SPOCK1: variants seen among roughly 807,000 people sequenced by gnomAD.
The protein encoded by SPOCK1 is testican-1.
Under a neutral mutation model 55.3 loss-of-function variants are expected in SPOCK1, and 23 were observed. That is an observed-to-expected ratio of 0.42 (90% confidence interval 0.30 to 0.59). SPOCK1 has a LOEUF of 0.59. Ranked by LOEUF, SPOCK1 falls within the 20% of genes least tolerant of loss-of-function variation. SPOCK1 has a pLI of 0.22. For synonymous variants in SPOCK1, 226 were observed against 221.0 expected (o/e 1.02, Z -0.20); for missense variants, 499 against 552.5 (o/e 0.90, Z 0.97).
At chr5:136,990,727 A>G (rs1334320233) in intron 7 of SPOCK1, among the ~76,000 whole-genome samples, 1 of 152,150 alleles carries the variant, frequency 6.6e-6, no homozygotes, top group Non-Finnish European at 1.5e-5. Flanking sequence ...TTTTACATAC[A>G]TCAATTTTAT....
chr5:137,427,301 A>G (rs1285054688), intron 2 of SPOCK1, among the ~76,000 whole-genome samples: 2 of 152,194 alleles, frequency 1.3e-5, no homozygotes, highest in Non-Finnish European at 2.9e-5. Context: ...GCCTTTCTCC[A>G]CAACACTGGT....
At chr5:137,087,836 A>C (rs1378600362) in intron 5 of SPOCK1, among the ~76,000 whole-genome samples, 1 of 148,600 alleles carries the variant, frequency 6.7e-6, no homozygotes, top group Non-Finnish European at 1.5e-5. Context: ...AGGGAGGAAG[A>C]AACAGAAAAA....
chr5:137,084,552 C>A (rs530960156), intron 5 of SPOCK1, among the ~76,000 whole-genome samples: 24 of 151,960 alleles, frequency 1.6e-4, no homozygotes, highest in Non-Finnish European at 3.2e-4. Context: ...GTGGCAGGGG[C>A]ACTGGGAAAC....
At chr5:137,188,125 T>C (rs551368788) in intron 3 of SPOCK1, among the ~76,000 whole-genome samples, 18 of 152,214 alleles carry the variant, frequency 1.2e-4, no homozygotes, top group Non-Finnish European at 2.2e-4. Context: ...AGGTGAATCA[T>C]GGCAGAAGAA....
intron 2 of SPOCK1, among the ~76,000 whole-genome samples, chr5:137,269,631 C>G (rs986016280): frequency 1.3e-5 from 2 of 152,198 alleles, no homozygotes; most frequent in Non-Finnish European, 2.9e-5. Flanking sequence ...TGAGTATAAG[C>G]AGGCTGGGCT....
At chr5:137,308,138 T>C (rs1757730480) in intron 2 of SPOCK1, among the ~76,000 whole-genome samples, 1 of 152,234 alleles carries the variant, frequency 6.6e-6, no homozygotes, top group Non-Finnish European at 1.5e-5. Context: ...TGTCCTATAG[T>C]TCTTTGTATT....
chr5:137,436,021 T>C (rs958386789), intron 2 of SPOCK1, among the ~76,000 whole-genome samples: 2 of 151,630 alleles, frequency 1.3e-5, no homozygotes, highest in African/African-American at 2.4e-5. Context: ...CGAGTGTTGG[T>C]GGCACATGCC....
At chr5:137,078,935 G>C (rs368391372) in intron 5 of SPOCK1, among the ~76,000 whole-genome samples, 1 of 152,138 alleles carries the variant, frequency 6.6e-6, no homozygotes, top group South Asian at 2.1e-4. Flanking sequence ...CAGCAGAAAA[G>C]GTCCCCAGAG....
intron 6 of SPOCK1, among the ~76,000 whole-genome samples, chr5:137,053,957 G>T (rs1038594224): frequency 6.6e-6 from 1 of 152,142 alleles, no homozygotes; most frequent in African/African-American, 2.4e-5. Flanking sequence ...ACAACTAACA[G>T]TGTCTCTGCT....
chr5:137,344,371 GT>G (rs1013328321), intron 2 of SPOCK1, among the ~76,000 whole-genome samples: 1 of 152,214 alleles, frequency 6.6e-6, no homozygotes, highest in African/African-American at 2.4e-5. Flanking sequence ...TCACATTTGC[GT>G]GAATAACCTT....
At chr5:137,148,103 C>T (rs1293666947) in intron 3 of SPOCK1, among the ~76,000 whole-genome samples, 2 of 152,194 alleles carry the variant, frequency 1.3e-5, no homozygotes, top group African/African-American at 4.8e-5. Context: ...TCCTGATTGC[C>T]CTCTATCTCA....
At chr5:137,223,902 A>C (rs1755902514) in intron 3 of SPOCK1, among the ~76,000 whole-genome samples, 1 of 152,194 alleles carries the variant, frequency 6.6e-6, no homozygotes, top group African/African-American at 2.4e-5. Flanking sequence ...AAAAAGTTAA[A>C]TCTGAAAAAG....
chr5:137,495,744 T>C (rs890073411), intron 2 of SPOCK1, among the ~76,000 whole-genome samples: 1 of 152,242 alleles, frequency 6.6e-6, no homozygotes, highest in Non-Finnish European at 1.5e-5. Context: ...AGCAAATTCT[T>C]ACCCTCTGTT....
rs532076386 is a variant in SPOCK1 at position 137,211,746 on chromosome 5, T to C, written c.232+55264A>G. On this transcript the variant is annotated intron_variant, in intron 3 of 10. Transcript: ENST00000394945. ...TGAGTTGATCACCAATGGCCAATGATGTGATCAATCACGCCTATGTAATGG... is the reference window on the plus strand; with the variant it reads ...TGAGTTGATCACCAATGGCCAATGACGTGATCAATCACGCCTATGTAATGG... Among the ~76,000 whole-genome samples the C allele has an allele frequency of 6.6e-5, 10 of 152,226 alleles. No individual in the cohort carries two copies. In the South Asian group the frequency reaches 1.2e-3, roughly 19 times the overall value.
chr5:137,436,246 G>C (rs1051163946), intron 2 of SPOCK1, among the ~76,000 whole-genome samples: 5 of 152,106 alleles, frequency 3.3e-5, no homozygotes, highest in Admixed American at 6.5e-5. Context: ...CCTAATGTCA[G>C]AGTTAACCAC....
intron 2 of SPOCK1, among the ~76,000 whole-genome samples, chr5:137,369,915 C>A (rs550110013): frequency 6.6e-6 from 1 of 152,184 alleles, no homozygotes; most frequent in Non-Finnish European, 1.5e-5. Flanking sequence ...TACCATCACA[C>A]TGGGGGTCAG....
At chr5:137,002,628 T>A (rs1751173566) in intron 6 of SPOCK1, among the ~76,000 whole-genome samples, 1 of 152,190 alleles carries the variant, frequency 6.6e-6, no homozygotes, top group South Asian at 2.1e-4. Context: ...GCAGTTTTAC[T>A]GAAGGATTTC....
chr5:137,190,889 A>G (rs1481566014), intron 3 of SPOCK1, among the ~76,000 whole-genome samples: 2 of 152,202 alleles, frequency 1.3e-5, no homozygotes, highest in Non-Finnish European at 2.9e-5. Flanking sequence ...CAATGAATAC[A>G]GGTCTATGTA....
chr5:137,069,932 C>T (rs1752580015), intron 5 of SPOCK1, among the ~76,000 whole-genome samples: 1 of 152,180 alleles, frequency 6.6e-6, no homozygotes, highest in African/African-American at 2.4e-5. Context: ...GACTGTGAGA[C>T]TCCCCCTCTC....
Sources: allele counts gnomAD v4.1 joint callset (sites outside exome capture counted in the v4.1 genomes callset), GRCh38; gene constraint gnomAD v4.1.1; transcripts MANE v1.5; gene names NCBI Gene and HGNC (gene_info 2026-07-23, HGNC 2026-07-21).